Variants in ADARB2 observed in about 807,000 individuals in gnomAD.
The protein encoded by ADARB2 is inactive double-stranded RNA-specific editase B2.
ADARB2 carries 25 observed loss-of-function variants against 62.2 expected under a neutral mutation model. The observed-to-expected ratio is 0.40, with a 90% CI of 0.29 to 0.56. The LOEUF (loss-of-function observed/expected upper bound fraction) is 0.56, where lower values mean the gene tolerates loss of function less well. ADARB2 is among the 20% of genes least tolerant of loss of function. The probability of loss-of-function intolerance (pLI) is 0.43; values close to 1 mark genes in which losing one functional copy is unlikely to be tolerated. For missense variants in ADARB2, 1,071 were observed against 1,077.4 expected, an observed-to-expected ratio of 0.99 and a Z score of 0.08; for synonymous variants, 572 against 500.8, an observed-to-expected ratio of 1.14 and a Z score of -1.90.
At chr10:1,700,920 C>T (rs1407157930) in intron 1 of ADARB2, among the ~76,000 whole-genome samples, 1 of 6,746 alleles carries the variant, frequency 1.5e-4, no homozygotes, top group African/African-American at 1.7e-4. Context: ...ACCAGGCGCT[C>T]GCCAATACAC....
intron 8 of ADARB2, among the ~76,000 whole-genome samples, chr10:1,198,609 C>T (rs1836941633): frequency 6.6e-6 from 1 of 152,238 alleles, no homozygotes; most frequent in South Asian, 2.1e-4. Context: ...AGTCAGGCTG[C>T]ACCGGCCGTG....
At position 1,692,381 on chromosome 10, in the gene ADARB2, C is replaced by T. The variant is rs77666323; in HGVS notation, c.100+44670G>A. On this transcript the variant is annotated intron_variant, in intron 1 of 9. Coordinates refer to ENST00000381312, the MANE Select transcript of ADARB2 (RefSeq NM_018702.4). ...TTCAGACAAGGTTAGCTGGGGAGGC[C>T]GTCACCGGGAGCCTGAGTCCATGGA... 2.9e-3 allele frequency among the ~76,000 whole-genome samples: 447 copies of T among 152,236 alleles called. 1 individual carries two copies. The highest frequency in any genetic ancestry group is 1.0e-2 in the African/African-American group (414 of 41,532).
Position 1,183,134 on chromosome 10 carries a change from C to G in ADARB2, c.*59G>C, listed in dbSNP as rs1836702413. On this transcript the variant is annotated 3_prime_UTR_variant, in exon 10 of 10. Transcript: ENST00000381312. Reference sequence around the variant, plus strand: ...CCGGCCGACCCGCCACGTCGCCCCCCAGACACGGTCCCATCCCTCCAGCGT... The same window carrying G: ...CCGGCCGACCCGCCACGTCGCCCCCGAGACACGGTCCCATCCCTCCAGCGT... 10 of 1,571,150 alleles carry G rather than the reference C, an allele frequency of 6.4e-6. No homozygotes were observed. In the East Asian group the frequency reaches 2.0e-4, roughly 32 times the overall value.
chr10:1,388,974 G>C (rs1471827097), intron 1 of ADARB2, among the ~76,000 whole-genome samples: 1 of 152,182 alleles, frequency 6.6e-6, no homozygotes, highest in Non-Finnish European at 1.5e-5. Context: ...AACAAAAGGG[G>C]AAGTCTAGGA....
At position 1,185,065 on chromosome 10, in the gene ADARB2, G is replaced by T. The variant is rs180987536; in HGVS notation, c.1865-26C>A. 106 of 1,601,270 alleles carry T rather than the reference G, an allele frequency of 6.6e-5. No individual in the cohort carries two copies. In the East Asian group the frequency reaches 2.0e-3, roughly 31 times the overall value. ...CTGTCGGGGAGATGGGGAAAGGCGG[G>T]CGTTAATATTCCTGGCCTCACACGG... is the stretch of plus-strand genomic sequence containing the variant. On this transcript the variant is annotated intron_variant, in intron 8 of 9. Coordinates refer to ENST00000381312, the MANE Select transcript of ADARB2 (RefSeq NM_018702.4).
intron 1 of ADARB2, among the ~76,000 whole-genome samples, chr10:1,533,758 C>T (rs971760108): frequency 2.0e-5 from 3 of 152,144 alleles, no homozygotes; most frequent in East Asian, 1.9e-4. Context: ...ATTTCCTCCT[C>T]GGAGTAACAT....
intron 1 of ADARB2, among the ~76,000 whole-genome samples, chr10:1,723,563 T>C (rs568064437): frequency 6.6e-6 from 1 of 152,304 alleles, no homozygotes; most frequent in East Asian, 1.9e-4. Context: ...ATAAGAGAGT[T>C]ATGAAGCAGA....
At chr10:1,610,721 C>CA (rs1210567687) in intron 1 of ADARB2, among the ~76,000 whole-genome samples, 1 of 151,904 alleles carries the variant, frequency 6.6e-6, no homozygotes, top group Non-Finnish European at 1.5e-5. Context: ...ATGCTTTAAG[C>CA]AGGACTGTTC....
intron 1 of ADARB2, among the ~76,000 whole-genome samples, chr10:1,664,741 AG>A (rs1470349736): frequency 6.6e-6 from 1 of 152,146 alleles, no homozygotes; most frequent in Non-Finnish European, 1.5e-5. Flanking sequence ...GCAGACGGCA[AG>A]GGGAACGTGG....
At chr10:1,219,558 AAG>A (rs1336405131) in intron 6 of ADARB2, among the ~76,000 whole-genome samples, 5 of 152,234 alleles carry the variant, frequency 3.3e-5, no homozygotes, top group African/African-American at 1.2e-4. Context: ...TCACGGAAAA[AAG>A]AGCGAATGAG....
chr10:1,665,702 A>T (rs908342417), intron 1 of ADARB2, among the ~76,000 whole-genome samples: 1 of 152,240 alleles, frequency 6.6e-6, no homozygotes, highest in Non-Finnish European at 1.5e-5. Flanking sequence ...CAAGAGAAAA[A>T]GGAGTGATGG....
chr10:1,667,259 CTCTG>C (rs1199298331), intron 1 of ADARB2, among the ~76,000 whole-genome samples: 1 of 152,170 alleles, frequency 6.6e-6, no homozygotes, highest in Non-Finnish European at 1.5e-5. Context: ...CTTTCTGATT[CTCTG>C]TCTCTTCTTT....
At chr10:1,700,119 G>A (rs1315435318) in intron 1 of ADARB2, among the ~76,000 whole-genome samples, 2 of 6,414 alleles carry the variant, frequency 3.1e-4, no homozygotes, top group African/African-American at 7.2e-4. Context: ...GAGACCAGGC[G>A]CTCGCCAATA....
chr10:1,243,769 G>A (rs1326174967), intron 4 of ADARB2, among the ~76,000 whole-genome samples: 7 of 152,190 alleles, frequency 4.6e-5, no homozygotes, highest in Non-Finnish European at 7.4e-5. Context: ...CAGGCAAAGC[G>A]GTCTAGCACA....
chr10:1,368,114 T>C (rs1832329165), intron 2 of ADARB2, among the ~76,000 whole-genome samples: 1 of 151,942 alleles, frequency 6.6e-6, no homozygotes, highest in Non-Finnish European at 1.5e-5. Flanking sequence ...AGCCCAGCGG[T>C]GGCCTCTGCA....
At chr10:1,434,519 C>T (rs1830814489) in intron 1 of ADARB2, among the ~76,000 whole-genome samples, 1 of 152,162 alleles carries the variant, frequency 6.6e-6, no homozygotes, top group South Asian at 2.1e-4. Flanking sequence ...AGGACAAAAG[C>T]CCACCAAGAG....
At chr10:1,427,042 C>G (rs17156306) in intron 1 of ADARB2, among the ~76,000 whole-genome samples, 11,648 of 152,304 alleles carry the variant, frequency 0.076, 566 homozygotes, top group East Asian at 0.19. Flanking sequence ...GATTTTTTAA[C>G]TTATCCCTGA....
intron 1 of ADARB2, among the ~76,000 whole-genome samples, chr10:1,560,718 C>G (rs1832775324): frequency 1.3e-5 from 2 of 152,198 alleles, no homozygotes; most frequent in South Asian, 4.1e-4. Flanking sequence ...GGCAGGCAAG[C>G]AGGGTCAGGA....
At chr10:1,351,876 C>T (rs527797465) in intron 3 of ADARB2, among the ~76,000 whole-genome samples, 2 of 149,742 alleles carry the variant, frequency 1.3e-5, no homozygotes, top group Middle Eastern at 3.4e-3. Context: ...GGATCTGTGC[C>T]TTATCAACCA....
Sources: gnomAD v4.1 joint callset for allele counts (sites outside exome capture counted in the v4.1 genomes callset) on GRCh38, gnomAD v4.1.1 for gene constraint, MANE v1.5 for transcripts, NCBI Gene and HGNC (gene_info 2026-07-23, HGNC 2026-07-21) for gene names.